Variants in PRKN observed in about 807,000 individuals in gnomAD.
PRKN encodes E3 ubiquitin-protein ligase parkin.
PRKN carries 56 observed loss-of-function variants against 59.5 expected under a neutral mutation model. That is an observed-to-expected ratio of 0.94 (90% CI 0.76 to 1.18). The LOEUF (loss-of-function observed/expected upper bound fraction) is 1.18. Ranked by LOEUF, PRKN falls within the 50% of genes most tolerant of loss-of-function variation. The pLI is 0.00. For missense variants in PRKN, 657 were observed against 596.4 expected (o/e 1.10, Z -1.06); for synonymous variants, 250 against 222.1 (o/e 1.13, Z -1.12).
intron 9 of PRKN, among the ~76,000 whole-genome samples, chr6:161,523,741 GT>G (rs1197954185): frequency 6.6e-6 from 1 of 152,170 alleles, no homozygotes; most frequent in Non-Finnish European, 1.5e-5. Flanking sequence ...TTCATGGAAA[GT>G]AAGTATTTAT....
intron 1 of PRKN, among the ~76,000 whole-genome samples, chr6:162,455,887 T>C (rs1309133658): frequency 6.6e-5 from 10 of 152,220 alleles, no homozygotes; most frequent in South Asian, 4.1e-4. Context: ...CTCTAAATGA[T>C]AGAATGGCAA....
intron 6 of PRKN, among the ~76,000 whole-genome samples, chr6:161,898,714 C>G (rs1160971833): frequency 1.3e-5 from 2 of 152,158 alleles, no homozygotes; most frequent in Admixed American, 6.5e-5. Flanking sequence ...CATAAAATGT[C>G]TGAGTTTCTT....
rs748033049 is a variant in PRKN at position 161,409,356 on chromosome 6, C to T, written c.1084-22479G>A. ...TGACAGCATTGTGTGTTCTCTAAAGCGCCAGGTTATAACGGCCATATGTCT... is the reference window on the plus strand; with the variant it reads ...TGACAGCATTGTGTGTTCTCTAAAGTGCCAGGTTATAACGGCCATATGTCT... On this transcript the variant is annotated intron_variant, in intron 9 of 11. Coordinates refer to ENST00000366898, the MANE Select transcript of PRKN (RefSeq NM_004562.3). The surrounding 1 kb of genome is among the most constrained non-coding windows in gnomAD (Gnocchi z 4.6). 2.0e-5 allele frequency among the ~76,000 whole-genome samples: 3 copies of T among 152,142 alleles called. No individual in the cohort carries two copies. Among genetic ancestry groups the T allele is most frequent in the South Asian group, 2.1e-4 (1 of 4,826 alleles).
chr6:162,669,664 C>T (rs1272324077), intron 1 of PRKN, among the ~76,000 whole-genome samples: 1 of 152,120 alleles, frequency 6.6e-6, no homozygotes, highest in Non-Finnish European at 1.5e-5. Context: ...TCATCCTAGA[C>T]TATTAAATTA....
intron 9 of PRKN, among the ~76,000 whole-genome samples, chr6:161,542,546 G>A (rs112757552): frequency 0.013 from 2,018 of 152,308 alleles, 53 homozygotes; most frequent in African/African-American, 0.046. Flanking sequence ...AAAGTCTAGC[G>A]AGGCTTATTT....
At chr6:161,535,113 A>T (rs1220582024) in intron 9 of PRKN, among the ~76,000 whole-genome samples, 1 of 152,188 alleles carries the variant, frequency 6.6e-6, no homozygotes, top group East Asian at 1.9e-4. Context: ...ATGTCAATCG[A>T]ACTAGAGAAT....
At chr6:162,319,902 C>A (rs900465012) in intron 2 of PRKN, among the ~76,000 whole-genome samples, 1 of 151,862 alleles carries the variant, frequency 6.6e-6, no homozygotes, top group Non-Finnish European at 1.5e-5. Flanking sequence ...TTTGGCATAA[C>A]TGAATAATAT....
intron 1 of PRKN, among the ~76,000 whole-genome samples, chr6:162,623,848 A>G (rs1199650095): frequency 1.3e-5 from 2 of 152,176 alleles, no homozygotes; most frequent in Non-Finnish European, 2.9e-5. Flanking sequence ...AAAAAACTGA[A>G]GTACAGTTGT....
intron 6 of PRKN, among the ~76,000 whole-genome samples, chr6:161,826,186 G>A (rs913459938): frequency 9.2e-5 from 14 of 152,056 alleles, no homozygotes; most frequent in African/African-American, 1.2e-4. Flanking sequence ...ATGTCAGTAC[G>A]GATGACCTTG....
chr6:161,821,065 T>C (rs905061036), intron 6 of PRKN, among the ~76,000 whole-genome samples: 5 of 152,120 alleles, frequency 3.3e-5, no homozygotes, highest in African/African-American at 9.7e-5. Flanking sequence ...ATATGGTTCA[T>C]AGCAGTGAAT....
chr6:162,531,159 T>C (rs1038190678), intron 1 of PRKN, among the ~76,000 whole-genome samples: 1 of 151,046 alleles, frequency 6.6e-6, no homozygotes, highest in East Asian at 2.0e-4. Flanking sequence ...CTGAGGTCAG[T>C]AGTTTCAGAG....
chr6:161,832,741 C>A lies in PRKN; in HGVS notation c.735-46833G>T, dbSNP rs75169534. 3.3e-5 allele frequency among the ~76,000 whole-genome samples: 5 copies of A among 152,106 alleles called. No homozygotes were observed. The East Asian group carries it at 5.8e-4, about 18-fold the overall frequency. ...CCACACAGTGTGACACAATGACATGCGCCATCCTGGAGCAGGGCATCTCAC... is the reference window on the plus strand; with the variant it reads ...CCACACAGTGTGACACAATGACATGAGCCATCCTGGAGCAGGGCATCTCAC... On this transcript the variant is annotated intron_variant, in intron 6 of 11. Transcript: ENST00000366898.
intron 6 of PRKN, among the ~76,000 whole-genome samples, chr6:161,950,334 C>A (rs891183643): frequency 1.3e-5 from 2 of 152,214 alleles, no homozygotes; most frequent in South Asian, 4.1e-4. Flanking sequence ...CTCCTGAGGT[C>A]AGGAGTTCAA....
At position 162,300,291 on chromosome 6, in the gene PRKN, A is replaced by T. The variant is rs551402577; in HGVS notation, c.172-37526T>A. Among the ~76,000 whole-genome samples the T allele has an allele frequency of 5.7e-4, 87 of 152,216 alleles. No individual in the cohort carries two copies. The Middle Eastern group carries it at 0.01, about 18-fold the overall frequency. ...AAAAAAAAAAACACATTCTATCAGA[A>T]TCCATCTAAACTATTTCAGAGATGT... On this transcript the variant is annotated intron_variant, in intron 2 of 11. Coordinates refer to ENST00000366898, the MANE Select transcript of PRKN (RefSeq NM_004562.3).
intron 1 of PRKN, among the ~76,000 whole-genome samples, chr6:162,710,234 G>A (rs917705721): frequency 1.3e-5 from 2 of 151,858 alleles, no homozygotes; most frequent in Admixed American, 6.6e-5. Flanking sequence ...TGATTAACAC[G>A]GAGCTGCTGT....
At chr6:161,943,842 G>C (rs1025345660) in intron 6 of PRKN, among the ~76,000 whole-genome samples, 1 of 150,738 alleles carries the variant, frequency 6.6e-6, no homozygotes, top group Admixed American at 6.6e-5. Context: ...GGATCAGCCT[G>C]AGGGATCAGC....
intron 1 of PRKN, among the ~76,000 whole-genome samples, chr6:162,664,751 AT>A (rs1779030301): frequency 6.6e-6 from 1 of 151,608 alleles, no homozygotes; most frequent in Non-Finnish European, 1.5e-5. Flanking sequence ...TCTTGTAAAT[AT>A]GTTTAAGTTC....
intron 4 of PRKN, among the ~76,000 whole-genome samples, chr6:162,121,912 C>T (rs1780931042): frequency 6.6e-6 from 1 of 152,124 alleles, no homozygotes; most frequent in Admixed American, 6.6e-5. Flanking sequence ...TGGTTATTTA[C>T]TTGGTCAAGA....
At chr6:162,158,003 T>C (rs1782590315) in intron 4 of PRKN, among the ~76,000 whole-genome samples, 1 of 147,728 alleles carries the variant, frequency 6.8e-6, no homozygotes, top group African/African-American at 2.7e-5. Context: ...TTTGAGATTA[T>C]TTTTTTGCTG....
Sources: gnomAD v4.1 joint callset for allele counts (sites outside exome capture counted in the v4.1 genomes callset) on GRCh38, gnomAD v4.1.1 for gene constraint, Gnocchi (gnomAD v3.1) non-coding constraint, MANE v1.5 for transcripts, NCBI Gene and HGNC (gene_info 2026-07-23, HGNC 2026-07-21) for gene names.